The following PAK3 variants were observed in gnomAD, a reference collection of about 807,000 sequenced individuals.
The protein encoded by PAK3 is p21 (RAC1) activated kinase 3.
PAK3 carries 4 observed loss-of-function variants against 41.0 expected under a neutral mutation model. That is an observed-to-expected ratio of 0.10 (90% CI 0.05 to 0.22). The LOEUF (loss-of-function observed/expected upper bound fraction) is 0.22. Among genes scored for constraint, PAK3 ranks in the 10% least tolerant of loss-of-function variants. The pLI, the probability that PAK3 is intolerant of heterozygous loss-of-function variation, is 1.00. For synonymous variants in PAK3, 146 were observed against 139.6 expected (o/e 1.05, Z -0.32); for missense variants, 205 against 409.9 (o/e 0.50, Z 4.32).
intron 1 of PAK3, among the ~76,000 whole-genome samples, chrX:110,964,902 G>T (rs2091051761): frequency 9.0e-6 from 1 of 111,464 alleles, no homozygotes; most frequent in African/African-American, 3.3e-5. Flanking sequence ...TGGCTGGCTG[G>T]TTGGCGTGGC....
At chrX:111,115,303 G>A (rs1472238517) in intron 4 of PAK3, among the ~76,000 whole-genome samples, 2 of 112,235 alleles carry the variant, frequency 1.8e-5, no homozygotes, top group African/African-American at 6.5e-5. Flanking sequence ...TCGTCCTTCA[G>A]ATCAGGCTTT....
intron 16 of PAK3, among the ~76,000 whole-genome samples, chrX:111,207,143 TATATAC>T (rs1224377243): frequency 9.2e-6 from 1 of 108,253 alleles, no homozygotes; most frequent in Admixed American, 1.0e-4. Context: ...TATGTGTGTA[TATATAC>T]ATATACATAT....
chrX:111,094,266 TTATA>T (rs768773352), upstream of PAK3, among the ~76,000 whole-genome samples: 29 of 111,673 alleles, frequency 2.6e-4, no homozygotes, highest in Non-Finnish European at 4.3e-4. Flanking sequence ...AATGCCAATC[TTATA>T]TAGTCTGTTT....
chrX:111,127,911 ATGG>A (rs2093670466), intron 5 of PAK3, among the ~76,000 whole-genome samples: 1 of 112,076 alleles, frequency 8.9e-6, no homozygotes, highest in South Asian at 3.7e-4. Context: ...ATCTTGGAAC[ATGG>A]TGGGGAATAA....
chrX:111,196,721 G>T (rs1286831865), intron 16 of PAK3, 81 bp downstream of exon 16: 2 of 674,933 alleles, frequency 3.0e-6, no homozygotes, highest in Admixed American at 2.3e-5. Flanking sequence ...CACCAAAAGT[G>T]ACCAGAATGG....
intron 1 of PAK3, among the ~76,000 whole-genome samples, chrX:110,990,313 C>T (rs1278408159): frequency 8.9e-6 from 1 of 112,102 alleles, no homozygotes; most frequent in Non-Finnish European, 1.9e-5. Flanking sequence ...CATTTTACAA[C>T]GATGAGGGTA....
chrX:111,205,680 G>C (rs1176289949), intron 16 of PAK3, among the ~76,000 whole-genome samples: 1 of 110,863 alleles, frequency 9.0e-6, no homozygotes, highest in Non-Finnish European at 1.9e-5. Context: ...GCTATTGCAG[G>C]GACACAAGGT....
At chrX:111,197,389 A>G (rs1286069656) in intron 16 of PAK3, among the ~76,000 whole-genome samples, 1 of 112,066 alleles carries the variant, frequency 8.9e-6, no homozygotes, top group Non-Finnish European at 1.9e-5. Context: ...ATGAACATAC[A>G]CGTGTGTATG....
rs2094956437 is a variant in PAK3 at position 111,227,006 on chromosome X, A to G, written c.*6559A>G. On this transcript the variant is annotated 3_prime_UTR_variant, in exon 18 of 18. Coordinates refer to ENST00000372007, the MANE Select transcript of PAK3 (RefSeq NM_002578.5). ...AGGATCCACGTTTTCATTGTTTATC[A>G]GAATTGTATCTCATTTGGCTGAGCA... is the stretch of plus-strand genomic sequence containing the variant. 8.9e-6 allele frequency: 1 copy of G among 112,507 alleles called. No individual in the cohort carries two copies. Among genetic ancestry groups the G allele is most frequent in the Admixed American group, 9.4e-5 (1 of 10,617 alleles). The allele number at this position is 112,507 out of a possible 1,213,427, so 9.3% of individuals were successfully genotyped here. A position where few individuals can be genotyped will look rare whatever the true frequency, so the allele number is the denominator to read the frequency against.
In PAK3 at chrX:111,096,334, G is replaced by C. The variant is rs1244294932; in HGVS notation, c.-434G>C. On this transcript the variant is annotated 5_prime_UTR_variant, in exon 1 of 18. Transcript: ENST00000372007. Reference sequence around the variant, plus strand: ...GCCCGGGGCTGCGGCTGCGGCCGCGGGGCTGCGGCTCCCCAGCCCCGCCAG... The same window carrying C: ...GCCCGGGGCTGCGGCTGCGGCCGCGCGGCTGCGGCTCCCCAGCCCCGCCAG... The C allele has an allele frequency of 9.0e-6, 1 of 111,683 alleles. No individual in the cohort carries two copies. The highest frequency in any genetic ancestry group is 3.3e-5 in the African/African-American group (1 of 30,688). The allele number at this position is 111,683 out of a possible 1,213,427, so 9.2% of individuals were successfully genotyped here. A position where few individuals can be genotyped will look rare whatever the true frequency, so the allele number is the denominator to read the frequency against.
At chrX:111,079,891 G>T (rs949136562) in intron 1 of PAK3, among the ~76,000 whole-genome samples, 2 of 112,151 alleles carry the variant, frequency 1.8e-5, no homozygotes, top group African/African-American at 6.5e-5. Context: ...TAAGACTTCA[G>T]CAGAGAAAGT....
intron 11 of PAK3, among the ~76,000 whole-genome samples, chrX:111,177,300 A>AT (rs2094416624): frequency 8.9e-6 from 1 of 111,864 alleles, no homozygotes; most frequent in Non-Finnish European, 1.9e-5. Context: ...ACCTTCATTT[A>AT]CTTGGAAAAC....
chrX:111,103,729 C>T (rs1243923005), intron 4 of PAK3, among the ~76,000 whole-genome samples: 1 of 111,591 alleles, frequency 9.0e-6, no homozygotes, highest in Non-Finnish European at 1.9e-5. Flanking sequence ...TCTACTGCCC[C>T]ATAACCTTAA....
intron 1 of PAK3, among the ~76,000 whole-genome samples, chrX:111,045,320 G>C (rs765125854): frequency 1.8e-5 from 2 of 112,611 alleles, no homozygotes; most frequent in South Asian, 7.4e-4. Flanking sequence ...GTTATGGGCA[G>C]ATATTGCCAG....
At chrX:110,996,773 C>A (rs1165622116) in intron 1 of PAK3, among the ~76,000 whole-genome samples, 1 of 111,857 alleles carries the variant, frequency 8.9e-6, no homozygotes, top group Non-Finnish European at 1.9e-5. Flanking sequence ...ACCTTTCTGG[C>A]ACCTTGATCT....
At chrX:111,141,748 A>G (rs970242152) in intron 5 of PAK3, among the ~76,000 whole-genome samples, 3 of 112,192 alleles carry the variant, frequency 2.7e-5, no homozygotes, top group Non-Finnish European at 3.8e-5. Flanking sequence ...CTTGACTTGT[A>G]TATGATGAAT....
At chrX:110,992,583 G>A (rs886105758) in intron 1 of PAK3, among the ~76,000 whole-genome samples, 4 of 109,807 alleles carry the variant, frequency 3.6e-5, no homozygotes, top group Non-Finnish European at 5.7e-5. Context: ...TCCTGAGGGC[G>A]ACACAGAGAG....
At chrX:111,010,896 A>G (rs1419096162) in intron 1 of PAK3, among the ~76,000 whole-genome samples, 2 of 112,099 alleles carry the variant, frequency 1.8e-5, no homozygotes, top group African/African-American at 3.2e-5. Context: ...TGTACTTGGA[A>G]CAGCACTGGA....
chrX:111,073,927 C>T (rs1304508094), intron 1 of PAK3, among the ~76,000 whole-genome samples: 1 of 111,675 alleles, frequency 9.0e-6, no homozygotes, highest in African/African-American at 3.3e-5. Flanking sequence ...CAGGTCAATA[C>T]CCCTGATGAA....
Sources: allele counts gnomAD v4.1 joint callset (sites outside exome capture counted in the v4.1 genomes callset), GRCh38; gene constraint gnomAD v4.1.1; transcripts MANE v1.5; gene names NCBI Gene and HGNC (gene_info 2026-07-23, HGNC 2026-07-21).